The following LRCH3 variants were observed in gnomAD, a reference collection of about 807,000 sequenced individuals.
LRCH3 encodes DISP complex protein LRCH3.
A neutral mutation model predicts 104.5 loss-of-function variants in LRCH3; 68 were observed. That is an observed-to-expected ratio of 0.65 (90% CI 0.54 to 0.80). The LOEUF is 0.80. Among genes scored for constraint, LRCH3 ranks in the 30% least tolerant of loss-of-function variants. The pLI, the probability that LRCH3 is intolerant of heterozygous loss-of-function variation, is 0.00. For synonymous variants in LRCH3, 344 were observed against 361.3 expected, an observed-to-expected ratio of 0.95 and a Z score of 0.54; for missense variants, 951 against 953.9, an observed-to-expected ratio of 1.00 and a Z score of 0.04.
At chr3:197,836,442 G>C (rs1169754445) in intron 9 of LRCH3, among the ~76,000 whole-genome samples, 1 of 152,210 alleles carries the variant, frequency 6.6e-6, no homozygotes, top group African/African-American at 2.4e-5. Context: ...GCATTCTTCA[G>C]TCTATCTTGT....
intron 4 of LRCH3, among the ~76,000 whole-genome samples, chr3:197,825,917 T>TA (rs143320131): frequency 0.022 from 3,281 of 152,308 alleles, 69 homozygotes; most frequent in East Asian, 0.053. Flanking sequence ...CTGTGATTTT[T>TA]AAAAAATATT....
chr3:197,828,444 C>T (rs181169934), intron 5 of LRCH3, among the ~76,000 whole-genome samples: 1 of 151,768 alleles, frequency 6.6e-6, no homozygotes, highest in Non-Finnish European at 1.5e-5. Context: ...CTCCCGGGTT[C>T]ACACTATTCT....
At chr3:197,791,681 ACGGCGCCAGCCCTC>A in intron 1 of LRCH3, 141 bp downstream of exon 1, 1 of 975,282 alleles carries the variant, frequency 1.0e-6, no homozygotes. Flanking sequence ...GGAGAAGCCG[ACGGCGCCAGCCCTC>A]CGGGCCTGCG....
chr3:197,800,400 A>T (rs1731748387), intron 1 of LRCH3, among the ~76,000 whole-genome samples: 1 of 152,216 alleles, frequency 6.6e-6, no homozygotes, highest in Non-Finnish European at 1.5e-5. Flanking sequence ...ACTAAAGAGG[A>T]ATTCCAAGTG....
intron 17 of LRCH3, among the ~76,000 whole-genome samples, chr3:197,868,342 AAGTAT>A (rs1711591361): frequency 6.6e-6 from 1 of 152,340 alleles, no homozygotes; most frequent in African/African-American, 2.4e-5. Flanking sequence ...AGATGATTTA[AAGTAT>A]AGTATAAAGG....
intron 10 of LRCH3, among the ~76,000 whole-genome samples, chr3:197,844,424 C>T (rs1738291723): frequency 6.6e-6 from 1 of 152,096 alleles, no homozygotes; most frequent in African/African-American, 2.4e-5. Flanking sequence ...TGAGACACGT[C>T]TCTGTCACCC....
rs1178879158 is a variant in LRCH3 at position 197,810,874 on chromosome 3, T to TA, written c.263-4026dup. On this transcript the variant is annotated intron_variant, in intron 1 of 20. Coordinates refer to ENST00000425562, the MANE Select transcript of LRCH3 (RefSeq NM_001365715.1). The surrounding 1 kb of genome is among the most constrained non-coding windows in gnomAD (Gnocchi z 4.0). ...TTTAAAAGATAACCTAAAGTCAGGT[T>TA]AAAAAAAATAAGACTTTTGAATGAA... Among the ~76,000 whole-genome samples, 4 of 152,002 alleles carry TA rather than the reference T, an allele frequency of 2.6e-5. No individual in the cohort carries two copies. Among genetic ancestry groups the TA allele is most frequent in the Middle Eastern group, 3.4e-3 (1 of 294 alleles).
At chr3:197,796,716 T>G (rs1560515671) in intron 1 of LRCH3, among the ~76,000 whole-genome samples, 1 of 152,188 alleles carries the variant, frequency 6.6e-6, no homozygotes, top group Non-Finnish European at 1.5e-5. Flanking sequence ...CTCAGGAGAT[T>G]AAATAATTTG....
At chr3:197,833,581 G>A (rs939689143) in intron 8 of LRCH3, among the ~76,000 whole-genome samples, 1 of 151,810 alleles carries the variant, frequency 6.6e-6, no homozygotes, top group African/African-American at 2.4e-5. Context: ...GATATGTATT[G>A]TAAGTATAAA....
At chr3:197,861,618 CTTT>C (rs1006747614) in intron 15 of LRCH3, among the ~76,000 whole-genome samples, 3 of 152,002 alleles carry the variant, frequency 2.0e-5, no homozygotes, top group African/African-American at 7.2e-5. Flanking sequence ...AAGATTTATT[CTTT>C]ATTTTTTTAG....
intron 17 of LRCH3, among the ~76,000 whole-genome samples, chr3:197,867,007 G>A (rs1741563372): frequency 6.6e-6 from 1 of 152,178 alleles, no homozygotes. Flanking sequence ...GGGCACGGTG[G>A]CTCACACTTG....
chr3:197,797,804 G>A (rs1731397105), intron 1 of LRCH3, among the ~76,000 whole-genome samples: 1 of 146,416 alleles, frequency 6.8e-6, no homozygotes, highest in Non-Finnish European at 1.5e-5. Context: ...AGGTTGCAGT[G>A]AGCTGAGATG....
At chr3:197,834,911 C>A (rs1420180735) in intron 8 of LRCH3, among the ~76,000 whole-genome samples, 5 of 152,080 alleles carry the variant, frequency 3.3e-5, no homozygotes, top group African/African-American at 9.7e-5. Context: ...TGGGTGGCCA[C>A]AGTGGGCGGA....
chr3:197,809,473 T>G (rs1732874096), intron 1 of LRCH3, among the ~76,000 whole-genome samples: 1 of 152,176 alleles, frequency 6.6e-6, no homozygotes, highest in Non-Finnish European at 1.5e-5. Context: ...TTTTCAGCCC[T>G]TAGAAATGCT....
rs761841360 is a variant in LRCH3 at position 197,871,338 on chromosome 3, G to A, written c.2006G>A (p.Arg669Gln). The change falls in exon 19 of 21, where the codon CGG (arginine) becomes CAG (glutamine). Residue 669 changes from arginine (R) to glutamine (Q), a missense_variant. Transcript: ENST00000425562. ...TTGTTCTTTCAGCATATTGAGTACC[G>A]GTTGAAAGTGTCTCTACCTTGTGAT... The part of the protein sequence containing the change: ...IDQLRKHIEY[R>Q]LKVSLPCDLG... 41 of 1,612,464 alleles carry A rather than the reference G, an allele frequency of 2.5e-5. 1 individual carries two copies. The highest frequency in any genetic ancestry group is 1.6e-4 in the Middle Eastern group (1 of 6,080).
intron 20 of LRCH3, among the ~76,000 whole-genome samples, chr3:197,876,646 G>A (rs1264038518): frequency 6.6e-6 from 1 of 152,128 alleles, no homozygotes; most frequent in Non-Finnish European, 1.5e-5. Flanking sequence ...ACCATTACAA[G>A]TCTTGTTAAC....
intron 5 of LRCH3, among the ~76,000 whole-genome samples, chr3:197,828,265 T>A (rs181980472): frequency 1.3e-5 from 2 of 152,184 alleles, no homozygotes; most frequent in Admixed American, 1.3e-4. Flanking sequence ...GTAATAATTA[T>A]AAAGTAGCTT....
chr3:197,801,313 G>T (rs1731873410), intron 1 of LRCH3, among the ~76,000 whole-genome samples: 1 of 152,154 alleles, frequency 6.6e-6, no homozygotes, highest in African/African-American at 2.4e-5. Context: ...AGGGGAGAAG[G>T]AAAAAGCTGT....
In LRCH3 at chr3:197,826,894, T is replaced by C; in HGVS notation, c.657T>C (p.Pro219=). Residue 219 remains proline (P), a synonymous_variant, in exon 5 of 21, where the codon CCT becomes CCC. Transcript: ENST00000425562. ...TTCTTGCAGAGCTGGCGGAGTTGCC[T>C]TTGATACGGTTAGACTTCTCATGCA... ...VHLPEELAEL[P]LIRLDFSCNK... 6.2e-7 allele frequency: 1 copy of C among 1,614,186 alleles called. No individual in the cohort carries two copies. The highest frequency in any genetic ancestry group is 8.5e-7 in the Non-Finnish European group (1 of 1,180,012).
Sources: allele counts gnomAD v4.1 joint callset (sites outside exome capture counted in the v4.1 genomes callset), GRCh38; gene constraint gnomAD v4.1.1; non-coding constraint Gnocchi (gnomAD v3.1); transcripts MANE v1.5; gene names NCBI Gene and HGNC (gene_info 2026-07-23, HGNC 2026-07-21).